SENP1: variants seen among roughly 807,000 people sequenced by gnomAD.
SENP1 encodes SUMO specific peptidase 1, also known as sentrin-specific protease 1.
A neutral mutation model predicts 93.0 loss-of-function variants in SENP1; 21 were observed. The ratio of observed to expected loss-of-function variants is 0.23; its 90% CI spans 0.16 to 0.33. The LOEUF (loss-of-function observed/expected upper bound fraction) is 0.33, where lower values mean the gene tolerates loss of function less well. Among genes scored for constraint, SENP1 ranks in the 10% least tolerant of loss-of-function variants. SENP1 has a pLI of 1.00. For synonymous variants in SENP1, 256 were observed against 259.6 expected, an observed-to-expected ratio of 0.99 and a Z score of 0.13; for missense variants, 591 against 758.7, an observed-to-expected ratio of 0.78 and a Z score of 2.60.
At chr12:48,102,184 G>A (rs1239006322) in intron 1 of SENP1, among the ~76,000 whole-genome samples, 1 of 152,152 alleles carries the variant, frequency 6.6e-6, no homozygotes, top group Non-Finnish European at 1.5e-5. Flanking sequence ...CAACACTTTG[G>A]GAGGCCGAGG....
chr12:48,063,916 A>G (rs1354604368), intron 12 of SENP1, 75 bp from the exon 13 acceptor site: 11 of 1,324,198 alleles, frequency 8.3e-6, no homozygotes, highest in African/African-American at 5.8e-5. Flanking sequence ...CAAACCCCAT[A>G]TAATCCTCAG....
chr12:48,053,904 T>G (rs1201128810), intron 13 of SENP1, among the ~76,000 whole-genome samples: 1 of 152,128 alleles, frequency 6.6e-6, no homozygotes, highest in African/African-American at 2.4e-5. Context: ...CAACTGGTAA[T>G]AACTAATATG....
intron 13 of SENP1, among the ~76,000 whole-genome samples, chr12:48,058,667 A>T (rs1942750040): frequency 6.6e-6 from 1 of 152,116 alleles, no homozygotes; most frequent in Non-Finnish European, 1.5e-5. Context: ...GTATGTTATA[A>T]ATCCCACAGT....
At chr12:48,057,171 T>C (rs960423439) in intron 13 of SENP1, among the ~76,000 whole-genome samples, 1 of 78,522 alleles carries the variant, frequency 1.3e-5, no homozygotes, top group Non-Finnish European at 2.3e-5. Flanking sequence ...CATATATAAA[T>C]ATATTATTTA....
intron 13 of SENP1, among the ~76,000 whole-genome samples, chr12:48,059,619 G>A (rs146234232): frequency 6.6e-6 from 1 of 152,088 alleles, no homozygotes; most frequent in Non-Finnish European, 1.5e-5. Flanking sequence ...CCCGCCTCAT[G>A]TATGTCTGGT....
intron 4 of SENP1, 147 bp from the exon 5 acceptor site, chr12:48,089,107 G>A: frequency 6.4e-7 from 1 of 1,562,466 alleles, no homozygotes; most frequent in Non-Finnish European, 8.6e-7. Context: ...TCAACTGCCA[G>A]TAAAGTCTGC....
At chr12:48,065,745 T>C (rs1943254428) in intron 10 of SENP1, 65 bp from the exon 11 acceptor site, 2 of 978,990 alleles carry the variant, frequency 2.0e-6, no homozygotes, top group South Asian at 1.5e-5. Flanking sequence ...ATTGTTGATG[T>C]ACACTGAATA....
At chr12:48,085,775 G>C (rs1944817606) in intron 5 of SENP1, among the ~76,000 whole-genome samples, 1 of 151,308 alleles carries the variant, frequency 6.6e-6, no homozygotes, top group Admixed American at 6.6e-5. Context: ...AGAATTTTAG[G>C]AACAGGCTTA....
At chr12:48,063,396 G>C (rs1943086217) in intron 13 of SENP1, among the ~76,000 whole-genome samples, 1 of 152,156 alleles carries the variant, frequency 6.6e-6, no homozygotes, top group South Asian at 2.1e-4. Context: ...TATTTGTTCA[G>C]AAGAGATGAA....
At chr12:48,089,393 T>C in intron 4 of SENP1, 1 of 1,174,022 alleles carries the variant, frequency 8.5e-7, no homozygotes, top group Non-Finnish European at 1.1e-6. Context: ...GCAGCTAGTG[T>C]CACTTTCTTC....
rs1941591086 is a variant in SENP1, at chr12:48,049,105, T to C, written c.1435A>G (p.Met479Val). The C allele has an allele frequency of 6.2e-7, 1 of 1,611,676 alleles. No individual in the cohort carries two copies. The highest frequency in any genetic ancestry group is 1.3e-5 in the African/African-American group (1 of 74,764). Residue 479 changes from methionine (M) to valine (V), a missense_variant, in exon 14 of 18, where the codon ATG (methionine) becomes GTG (valine). Physicochemically the swap from Met to Val is conservative, Grantham distance 21 (BLOSUM62 1). Coordinates refer to ENST00000549518, the MANE Select transcript of SENP1 (RefSeq NM_001267594.2). ...EIINFYMNML[M>V]ERSKEKGLPS... ...AAGCCCTTCTCTTTACTTCGCTCCATCAGCATATTCATGTAGAAATTGATG... is the reference window on the plus strand; with the variant it reads ...AAGCCCTTCTCTTTACTTCGCTCCACCAGCATATTCATGTAGAAATTGATG...
rs1332429159 is a variant in SENP1 at position 48,043,515 on chromosome 12, C to A, written c.*1807G>T. On this transcript the variant is annotated 3_prime_UTR_variant, in exon 18 of 18. Coordinates refer to ENST00000549518, the MANE Select transcript of SENP1 (RefSeq NM_001267594.2). ...ATATTCCAGGAGTCCTGCAATGAGA[C>A]TGCATGCCACAGCTTTCTAAAAGAG... The A allele has an allele frequency of 6.6e-6, 1 of 152,600 alleles. No individual in the cohort carries two copies. The allele number at this position is 152,600 out of a possible 1,614,324, so 9.5% of individuals were successfully genotyped here.
At chr12:48,083,199 G>A (rs550668750) in intron 6 of SENP1, among the ~76,000 whole-genome samples, 27 of 152,250 alleles carry the variant, frequency 1.8e-4, no homozygotes, top group African/African-American at 5.3e-4. Flanking sequence ...GCCACGTCAC[G>A]TGGACTGAAA....
intron 5 of SENP1, among the ~76,000 whole-genome samples, chr12:48,087,012 C>G (rs978482852): frequency 3.9e-5 from 6 of 152,116 alleles, no homozygotes; most frequent in Non-Finnish European, 1.5e-5. Context: ...GCATTCCAGC[C>G]TGGCCGACAG....
At chr12:48,052,894 C>T (rs940178843) in intron 13 of SENP1, among the ~76,000 whole-genome samples, 8 of 152,160 alleles carry the variant, frequency 5.3e-5, no homozygotes, top group African/African-American at 1.4e-4. Flanking sequence ...TAGTTCTGAT[C>T]GTTTTATTCT....
At chr12:48,105,782 G>A (rs910196199) in intron 1 of SENP1, 5 of 573,236 alleles carry the variant, frequency 8.7e-6, no homozygotes, top group Non-Finnish European at 1.6e-5. Flanking sequence ...CGCGGCCCAG[G>A]AGAGAGAGAC....
rs1483230796 is a variant in SENP1, at chr12:48,066,949, C to T, written c.1012G>A (p.Ala338Thr). 6.4e-7 allele frequency: 1 copy of T among 1,563,122 alleles called. No homozygotes were observed. The highest frequency in any genetic ancestry group is 8.7e-7 in the Non-Finnish European group (1 of 1,152,258). The change falls in exon 10 of 18, where the codon GCA (alanine) becomes ACA (threonine). Residue 338 changes from alanine to threonine, a missense_variant. Ala to Thr is a moderately conservative substitution (Grantham distance 58, BLOSUM62 0). This residue lies in a region of SENP1 where 238 missense variants were observed against 259.1 expected (regional missense o/e 0.92). Coordinates refer to ENST00000549518, the MANE Select transcript of SENP1 (RefSeq NM_001267594.2). ...TACAATTCTTTGATCCACAGCTCTG[C>T]CTGGAAGAAAGTAGAACTATGGGTA... ...TPTPSSTFFQ[A>T]ELWIKELTSV...
chr12:48,081,674 G>A lies in SENP1; in HGVS notation c.552+1917C>T, dbSNP rs748893539. On this transcript the variant is annotated intron_variant, in intron 6 of 17. Transcript: ENST00000549518. ...TAGCCTTGAAATCCTGGGCTCAAAC[G>A]ATCTTCCTGCTTCAGCCTCCTGAGT... Among the ~76,000 whole-genome samples the A allele has an allele frequency of 2.7e-5, 4 of 145,546 alleles. No individual in the cohort carries two copies. The Admixed American group carries it at 2.8e-4, about 10-fold the overall frequency.
intron 15 of SENP1, 43 bp from the exon 16 acceptor site, chr12:48,047,105 C>A: frequency 8.2e-7 from 1 of 1,223,076 alleles, no homozygotes; most frequent in Non-Finnish European, 1.2e-6. Context: ...TGGGGAACAT[C>A]GATGACAGCT....
Sources: gnomAD v4.1 joint callset for allele counts (sites outside exome capture counted in the v4.1 genomes callset) on GRCh38, gnomAD v4.1.1 for gene constraint, gnomAD v4.1.1 regional missense constraint, MANE v1.5 for transcripts, NCBI Gene and HGNC (gene_info 2026-07-23, HGNC 2026-07-21) for gene names.